The following TMPRSS6 variants were observed in gnomAD, a reference collection of about 807,000 sequenced individuals.
The protein encoded by TMPRSS6 is transmembrane protease serine 6.
Under a neutral mutation model 101.5 loss-of-function variants are expected in TMPRSS6, and 67 were observed. That is an observed-to-expected ratio of 0.66 (90% CI 0.54 to 0.81). TMPRSS6 has a LOEUF of 0.81. TMPRSS6 is among the 30% of genes least tolerant of loss of function. TMPRSS6 has a pLI of 0.00. For synonymous variants in TMPRSS6, 453 were observed against 464.9 expected (o/e 0.97, Z 0.33); for missense variants, 1,034 against 1,088.7 (o/e 0.95, Z 0.71).
intron 10 of TMPRSS6, among the ~76,000 whole-genome samples, chr22:37,082,026 C>G (rs1433314384): frequency 6.6e-6 from 1 of 152,252 alleles, no homozygotes; most frequent in East Asian, 1.9e-4. Context: ...AAGTCCCTGT[C>G]TCCCCAGTAC....
At chr22:37,104,619 C>T (rs1930597097) in intron 1 of TMPRSS6, among the ~76,000 whole-genome samples, 1 of 152,176 alleles carries the variant, frequency 6.6e-6, no homozygotes, top group Admixed American at 6.5e-5. Flanking sequence ...CAGACTACTG[C>T]GAAGTTCATC....
At position 37,066,813 on chromosome 22, in the gene TMPRSS6, C is replaced by T; in HGVS notation, c.2250+13G>A. 6 of 1,614,160 alleles carry T rather than the reference C, an allele frequency of 3.7e-6. No homozygotes were observed. Among genetic ancestry groups the T allele is most frequent in the Non-Finnish European group, 5.1e-6 (6 of 1,180,030 alleles). On this transcript the variant is annotated intron_variant, in intron 17 of 17. Transcript: ENST00000676104. ...TCTCCCTCCTCTCTCCCTCCCATGC[C>T]CGGGGGACTCACCTGACAGGCATCC...
In TMPRSS6 at chr22:37,084,422, G is replaced by T; in HGVS notation, c.1087-18C>A. On this transcript the variant is annotated intron_variant, in intron 9 of 17. Transcript: ENST00000676104. The stretch of plus-strand genomic sequence containing the variant: ...GAGGGCACCTGGGAGGGAGGAGCGG[G>T]CCATCAGGTGGCCCATGGGGTGTGG... The T allele has an allele frequency of 6.3e-7, 1 of 1,592,018 alleles. No individual in the cohort carries two copies. The highest frequency in any genetic ancestry group is 8.6e-7 in the Non-Finnish European group (1 of 1,165,134).
In TMPRSS6 at chr22:37,086,393, G is replaced by A; in HGVS notation, c.863C>T (p.Pro288Leu). 1 of 1,599,178 alleles carries A rather than the reference G, an allele frequency of 6.3e-7. No individual in the cohort carries two copies. The highest frequency in any genetic ancestry group is 8.5e-7 in the Non-Finnish European group (1 of 1,173,032). ...TSVYGCSRQE[P>L]VVEVLASGAI... Reference sequence around the variant, plus strand: ...CCCCGACGCCAGAACCTCCACCACGGGCTCCTGGCGGCTGCAGCCGTACAC... The same window carrying A: ...CCCCGACGCCAGAACCTCCACCACGAGCTCCTGGCGGCTGCAGCCGTACAC... The change falls in exon 8 of 18, where the codon CCC (proline) becomes CTC (leucine). Residue 288 changes from proline to leucine, a missense_variant. By Grantham distance (98) the Pro-to-Leu change is moderately conservative. Transcript: ENST00000676104.
intron 6 of TMPRSS6, among the ~76,000 whole-genome samples, chr22:37,090,075 G>A (rs569348252): frequency 2.6e-5 from 4 of 152,366 alleles, no homozygotes; most frequent in African/African-American, 7.2e-5. Flanking sequence ...GGATGACAGC[G>A]GGGACAGACA....
In TMPRSS6 at chr22:37,096,000, C is replaced by T. The variant is rs779073321; in HGVS notation, c.495G>A (p.Leu165=). ...CTGTGGACAGCAGCTCCTCCACCAG[C>T]AGTGCCTGCACCACCTCGGGGCTCA... ...LMLSPEVVQA[L]LVEELLSTVN... is the part of the protein sequence containing the mutation. Residue 165 remains leucine, a synonymous_variant, in exon 5 of 18, where the codon CTG becomes CTA. Coordinates refer to ENST00000676104, the MANE Select transcript of TMPRSS6 (RefSeq NM_001374504.1). The T allele has an allele frequency of 6.2e-7, 1 of 1,614,116 alleles. No individual in the cohort carries two copies. Among genetic ancestry groups the T allele is most frequent in the African/African-American group, 1.3e-5 (1 of 74,952 alleles).
Position 37,096,654 on chromosome 22 carries a change from G to C in TMPRSS6, c.398C>G (p.Ser133Cys). Residue 133 changes from serine to cysteine, a missense_variant, in exon 4 of 18, where the codon TCC becomes TGC. By Grantham distance (112) the Ser-to-Cys change is moderately radical (BLOSUM62 -1). Transcript: ENST00000676104. ...AGGGGCAAGGACAACTCACCCAAAG[G>C]AATAGACGGAGCTGGAGTTGTAGTA... ...GTYYNSSSVY[S>C]FGEGPLTCFF... The C allele has an allele frequency of 6.4e-7, 1 of 1,563,048 alleles. No homozygotes were observed. Among genetic ancestry groups the C allele is most frequent in the Admixed American group, 1.9e-5 (1 of 52,260 alleles).
intron 10 of TMPRSS6, among the ~76,000 whole-genome samples, chr22:37,079,023 G>GAAAGAAAGAAAGAAAGAGAA (rs1928045344): frequency 1.4e-5 from 2 of 147,560 alleles, no homozygotes; most frequent in South Asian, 2.2e-4. Flanking sequence ...GAAAGAGAAA[G>GAAAGAAAGAAAGAAAGAGAA]AGAGAAAGAA....
In TMPRSS6 at chr22:37,097,905, G is replaced by C. The variant is rs77816704; in HGVS notation, c.336+511C>G. ...GGGCCACCGTCCTGTTACGGAGGGG[G>C]AGGAGAGGGCCACCGTCCTGTAACG... is the stretch of plus-strand genomic sequence containing the variant. On this transcript the variant is annotated intron_variant, in intron 3 of 17. Coordinates refer to ENST00000676104, the MANE Select transcript of TMPRSS6 (RefSeq NM_001374504.1). 2.9e-3 allele frequency among the ~76,000 whole-genome samples: 67 copies of C among 22,904 alleles called. 3 individuals are homozygous for C. Among genetic ancestry groups the C allele is most frequent in the South Asian group, 0.016 (6 of 386 alleles). The allele number at this position is 22,904 out of a possible 152,430, so 15.0% of individuals were successfully genotyped here. A position where few individuals can be genotyped will look rare whatever the true frequency, so the allele number is the denominator to read the frequency against.
Position 37,065,890 on chromosome 22 carries a change from TG to T in TMPRSS6, c.*189del, listed in dbSNP as rs2146015258. 9.7e-6 allele frequency: 7 copies of T among 723,630 alleles called. No individual in the cohort carries two copies. In the South Asian group the frequency reaches 1.1e-4, roughly 11 times the overall value. The allele number at this position is 723,630 out of a possible 1,614,324, so 44.8% of individuals were successfully genotyped here. A position where few individuals can be genotyped will look rare whatever the true frequency, so the allele number is the denominator to read the frequency against. ...CTCAGGGGACGTCTTGACCCCCAGC[TG>T]CTGGCACTTCTCCATCCTCCTGCCA... is the stretch of plus-strand genomic sequence containing the variant. On this transcript the variant is annotated 3_prime_UTR_variant, in exon 18 of 18. Transcript: ENST00000676104.
In TMPRSS6 at chr22:37,096,034, C is replaced by T. The variant is rs933731031; in HGVS notation, c.461G>A (p.Arg154Gln). The T allele has an allele frequency of 8.1e-6, 13 of 1,614,212 alleles. No individual in the cohort carries two copies. Among genetic ancestry groups the T allele is most frequent in the Non-Finnish European group, 9.3e-6 (11 of 1,180,040 alleles). The change falls in exon 5 of 18, where the codon CGG (arginine) becomes CAG (glutamine). Residue 154 changes from arginine to glutamine, a missense_variant. Transcript: ENST00000676104. ...WFILQIPEHR[R>Q]LMLSPEVVQA... ...CACCACCTCGGGGCTCAGCATCAGC[C>T]GGCGGTGCTCGGGGATTTGGAGAAT...
chr22:37,068,554 C>T (rs1926548518), intron 16 of TMPRSS6: 1 of 777,904 alleles, frequency 1.3e-6, no homozygotes, highest in African/African-American at 1.7e-5. Flanking sequence ...AGCAGGGGCT[C>T]TGGAGGCAGC....
intron 8 of TMPRSS6, among the ~76,000 whole-genome samples, chr22:37,085,803 C>G (rs1183145892): frequency 6.6e-6 from 1 of 152,136 alleles, no homozygotes; most frequent in Non-Finnish European, 1.5e-5. Flanking sequence ...GCCCTCTTGG[C>G]TGTAAGCGGA....
rs1023025876 is a variant in TMPRSS6 at position 37,101,473 on chromosome 22, G to A, written c.202+1743C>T. Among the ~76,000 whole-genome samples the A allele has an allele frequency of 2.0e-5, 3 of 152,090 alleles. No individual in the cohort carries two copies. The highest frequency in any genetic ancestry group is 4.4e-5 in the Non-Finnish European group (3 of 67,994). On this transcript the variant is annotated intron_variant, in intron 2 of 17. Transcript: ENST00000676104. The surrounding 1 kb of genome is among the most constrained non-coding windows in gnomAD (Gnocchi z 4.1). ...GTCCTCCTCGCTTGGGGCCTGTCCT[G>A]CTCCAGTGTCACTGGTCACTTGTGC...
At chr22:37,104,068 G>T (rs959359251) in intron 1 of TMPRSS6, among the ~76,000 whole-genome samples, 2 of 152,044 alleles carry the variant, frequency 1.3e-5, no homozygotes, top group African/African-American at 4.8e-5. Flanking sequence ...TAATTTTCAG[G>T]TCACCCAGGG....
intron 10 of TMPRSS6, 71 bp from the exon 11 acceptor site, chr22:37,075,351 G>A (rs1569002605): frequency 1.9e-6 from 3 of 1,595,872 alleles, no homozygotes; most frequent in African/African-American, 1.3e-5. Context: ...GACAGAGCAA[G>A]GACAGGCAGC....
chr22:37,066,222 G>A lies in TMPRSS6; in HGVS notation c.2267C>T (p.Pro756Leu), dbSNP rs779141005. Residue 756 changes from proline to leucine, a missense_variant, in exon 18 of 18, where the codon CCG (proline) becomes CTG (leucine). Transcript: ENST00000676104. ...KDACQGDSGG[P>L]LVCKALSGRW... ...GCCACTGAGTGCCTTGCACACCAGC[G>A]GACCACCTGAGTCACCCTGAAAGGG... 1.2e-5 allele frequency: 20 copies of A among 1,611,866 alleles called. No individual in the cohort carries two copies. Among genetic ancestry groups the A allele is most frequent in the African/African-American group, 4.0e-5 (3 of 74,900 alleles).
intron 10 of TMPRSS6, among the ~76,000 whole-genome samples, chr22:37,079,723 T>C (rs990801608): frequency 6.6e-6 from 1 of 152,210 alleles, no homozygotes; most frequent in East Asian, 1.9e-4. Flanking sequence ...GGTGATCGTA[T>C]CTCCCTTGTG....
At chr22:37,086,518 G>A in intron 7 of TMPRSS6, 99 bp from the exon 8 acceptor site, 1 of 1,309,460 alleles carries the variant, frequency 7.6e-7, no homozygotes, top group Non-Finnish European at 1.1e-6. Context: ...ACGGGAGTCT[G>A]GACATCTGGG....
Sources: gnomAD v4.1 joint callset for allele counts (sites outside exome capture counted in the v4.1 genomes callset) on GRCh38, gnomAD v4.1.1 for gene constraint, Gnocchi (gnomAD v3.1) non-coding constraint, MANE v1.5 for transcripts, NCBI Gene and HGNC (gene_info 2026-07-23, HGNC 2026-07-21) for gene names.